The following ZNF284 variants were observed in gnomAD, a reference collection of about 807,000 sequenced individuals.
The protein encoded by ZNF284 is zinc finger protein 284.
A neutral mutation model predicts 12.9 loss-of-function variants in ZNF284; 12 were observed. The ratio of observed to expected loss-of-function variants is 0.93; its 90% CI spans 0.60 to 1.51. ZNF284 has a LOEUF of 1.51. Ranked by LOEUF, ZNF284 falls within the 40% of genes most tolerant of loss-of-function variation. The pLI, the probability that ZNF284 is intolerant of heterozygous loss-of-function variation, is 0.00. For synonymous variants in ZNF284, 225 were observed against 236.5 expected, an observed-to-expected ratio of 0.95 and a Z score of 0.45; for missense variants, 667 against 707.3, an observed-to-expected ratio of 0.94 and a Z score of 0.65.
intron 1 of ZNF284, among the ~76,000 whole-genome samples, chr19:44,074,970 G>A (rs747462413): frequency 4.6e-5 from 7 of 152,002 alleles, no homozygotes; most frequent in Admixed American, 2.0e-4. Flanking sequence ...CCTGCACTCT[G>A]ATCTGGATGA....
intron 1 of ZNF284, among the ~76,000 whole-genome samples, 178 bp from the exon 2 acceptor site, chr19:44,076,144 T>G (rs1358202458): frequency 1.3e-5 from 2 of 152,156 alleles, no homozygotes; most frequent in Non-Finnish European, 2.9e-5. Context: ...TAGGCGACAA[T>G]TTGTCCATTT....
intron 2 of ZNF284, among the ~76,000 whole-genome samples, chr19:44,077,895 T>A (rs1441389057): frequency 6.6e-6 from 1 of 152,134 alleles, no homozygotes; most frequent in Non-Finnish European, 1.5e-5. Context: ...TGACCCCTCC[T>A]CGGGGGTCCT....
intron 1 of ZNF284, 37 bp from the exon 2 acceptor site, chr19:44,076,285 C>A (rs779191986): frequency 4.3e-6 from 5 of 1,159,750 alleles, no homozygotes; most frequent in African/African-American, 1.6e-5. Context: ...CCCTTCATGT[C>A]TCTTTTTTTT....
intron 1 of ZNF284, among the ~76,000 whole-genome samples, chr19:44,075,284 G>A (rs946843431): frequency 1.8e-4 from 28 of 152,270 alleles, no homozygotes; most frequent in Non-Finnish European, 2.2e-4. Context: ...GTTTAATCTA[G>A]AAGGATTCCA....
chr19:44,081,426 A>T (rs776304827), intron 3 of ZNF284, among the ~76,000 whole-genome samples: 10 of 152,120 alleles, frequency 6.6e-5, no homozygotes, highest in Non-Finnish European at 1.3e-4. Context: ...AAACCATCAG[A>T]TAGGGCCGGG....
chr19:44,084,705 C>T (rs1484743977), intron 4 of ZNF284, among the ~76,000 whole-genome samples: 3 of 152,142 alleles, frequency 2.0e-5, no homozygotes, highest in African/African-American at 4.8e-5. Flanking sequence ...ACTGCTGGGT[C>T]TAACAGGCAT....
chr19:44,081,434 G>A (rs1967121933), intron 3 of ZNF284, among the ~76,000 whole-genome samples: 1 of 152,090 alleles, frequency 6.6e-6, no homozygotes, highest in Admixed American at 6.5e-5. Context: ...AGATAGGGCC[G>A]GGCGCGGTGG....
chr19:44,079,894 C>T (rs901163656), intron 2 of ZNF284, among the ~76,000 whole-genome samples: 1 of 152,014 alleles, frequency 6.6e-6, no homozygotes, highest in Non-Finnish European at 1.5e-5. Context: ...CGCCATTGCA[C>T]TCCAGCCTGG....
chr19:44,087,275 T>C lies in ZNF284; in HGVS notation c.*15T>C. 1 of 1,490,978 alleles carries C rather than the reference T, an allele frequency of 6.7e-7. No individual in the cohort carries two copies. Among genetic ancestry groups the C allele is most frequent in the Non-Finnish European group, 9.0e-7 (1 of 1,111,766 alleles). 92.4% of individuals were successfully genotyped at this position (1,490,978 alleles called of 1,614,324 possible). On this transcript the variant is annotated 3_prime_UTR_variant, in exon 5 of 5. Coordinates refer to ENST00000421176, the MANE Select transcript of ZNF284 (RefSeq NM_001037813.4). ...ATGATATATAATTATTGTCCATATT[T>C]ATGGGTTACAGCATATTTCAATACA...
At chr19:44,082,697 T>C (rs1355428453) in intron 4 of ZNF284, among the ~76,000 whole-genome samples, 3 of 152,216 alleles carry the variant, frequency 2.0e-5, no homozygotes, top group Non-Finnish European at 4.4e-5. Flanking sequence ...CTAGGCACTG[T>C]CCACACTCCT....
At chr19:44,085,007 A>G (rs1039748473) in intron 4 of ZNF284, among the ~76,000 whole-genome samples, 3 of 151,902 alleles carry the variant, frequency 2.0e-5, no homozygotes, top group South Asian at 2.1e-4. Flanking sequence ...GGAAATGTAA[A>G]CCACTAGGGC....
chr19:44,076,397 T>C lies in ZNF284; in HGVS notation c.8T>C (p.Met3Thr), dbSNP rs373559407. 1.1e-5 allele frequency: 17 copies of C among 1,609,654 alleles called. No homozygotes were observed. In the African/African-American group the frequency reaches 1.3e-4, roughly 13 times the overall value. MT[M>T]FKEAVTFKDV... is the part of the protein sequence containing the mutation. The stretch of plus-strand genomic sequence containing the variant: ...CCCAAAGAAGGAGGAAAAATGACCA[T>C]GTTCAAGGTGAGTAAGTCTGGTCTC... Residue 3 changes from methionine to threonine, a missense_variant, in exon 2 of 5, where the codon ATG becomes ACG. Coordinates refer to ENST00000421176, the MANE Select transcript of ZNF284 (RefSeq NM_001037813.4).
In ZNF284 at chr19:44,080,975, C is replaced by G. The variant is rs766870412; in HGVS notation, c.16-40C>G. On this transcript the variant is annotated intron_variant, in intron 2 of 4. Coordinates refer to ENST00000421176, the MANE Select transcript of ZNF284 (RefSeq NM_001037813.4). ...ATTGCCACCCTTCTCCCAGGAATCA[C>G]TGGTCATGAGATTGAGATTGCATAC... 1.1e-5 allele frequency: 18 copies of G among 1,592,198 alleles called. No individual in the cohort carries two copies. The East Asian group carries it at 4.1e-4, about 36-fold the overall frequency.
At chr19:44,072,917 A>G (rs1408554516) in intron 1 of ZNF284, among the ~76,000 whole-genome samples, 1 of 152,098 alleles carries the variant, frequency 6.6e-6, no homozygotes, top group Non-Finnish European at 1.5e-5. Flanking sequence ...GCAGGGAGGG[A>G]CTTCTTGGCT....
At chr19:44,080,653 T>C (rs1446445618) in intron 2 of ZNF284, among the ~76,000 whole-genome samples, 1 of 152,202 alleles carries the variant, frequency 6.6e-6, no homozygotes, top group Non-Finnish European at 1.5e-5. Flanking sequence ...CTGGGCATTG[T>C]CAAACAAAGT....
In ZNF284 at chr19:44,086,481, A is replaced by G. The variant is rs373145363; in HGVS notation, c.1003A>G (p.Met335Val). ...GQRSALNSHC[M>V]DHTKEKLYKC... Reference sequence around the variant, plus strand: ...GAGATCAGCACTTAATAGTCATTGCATGGACCACACAAAAGAGAAACTATA... The same window carrying G: ...GAGATCAGCACTTAATAGTCATTGCGTGGACCACACAAAAGAGAAACTATA... The change falls in exon 5 of 5, where the codon ATG (methionine) becomes GTG (valine). Residue 335 changes from methionine to valine, a missense_variant. Met to Val is a conservative substitution (Grantham distance 21, BLOSUM62 1). Coordinates refer to ENST00000421176, the MANE Select transcript of ZNF284 (RefSeq NM_001037813.4). 36 of 1,614,232 alleles carry G rather than the reference A, an allele frequency of 2.2e-5. No individual in the cohort carries two copies. In the African/African-American group the frequency reaches 2.3e-4, roughly 10 times the overall value.
rs371364224 is a variant in ZNF284, at chr19:44,081,099, C to G, written c.100C>G (p.Arg34Gly). Residue 34 changes from arginine (R) to glycine (G), a missense_variant, in exon 3 of 5, where the codon CGA (arginine) becomes GGA (glycine). By Grantham distance (125) the Arg-to-Gly change is moderately radical. Coordinates refer to ENST00000421176, the MANE Select transcript of ZNF284 (RefSeq NM_001037813.4). ...GGACGTTTCCCAGAGGAAGCTGTAT[C>G]GAGATGTCATGCTGGAGAACTTCAG... ...LLDVSQRKLY[R>G]DVMLENFRNL... 16 of 1,612,916 alleles carry G rather than the reference C, an allele frequency of 9.9e-6. No homozygotes were observed. In the African/African-American group the frequency reaches 1.5e-4, roughly 15 times the overall value.
Position 44,087,370 on chromosome 19 carries a change from G to A in ZNF284, c.*110G>A. ...ATCACCTCCTTTATCATTTATTTGT[G>A]GATCATTTATCATTTCTTTGTGCTT... On this transcript the variant is annotated 3_prime_UTR_variant, in exon 5 of 5. Coordinates refer to ENST00000421176, the MANE Select transcript of ZNF284 (RefSeq NM_001037813.4). The A allele has an allele frequency of 1.1e-6, 1 of 870,840 alleles. No homozygotes were observed. The highest frequency in any genetic ancestry group is 1.6e-6 in the Non-Finnish European group (1 of 608,098). The allele number at this position is 870,840 out of a possible 1,614,324, so 53.9% of individuals were successfully genotyped here. A position where few individuals can be genotyped will look rare whatever the true frequency, so the allele number is the denominator to read the frequency against.
intron 4 of ZNF284, chr19:44,085,121 T>C (rs1967209445): frequency 6.6e-6 from 1 of 152,312 alleles, no homozygotes; most frequent in Non-Finnish European, 1.5e-5. Context: ...CTTCGGGTGT[T>C]TCCTGTCACT....
Sources: allele counts gnomAD v4.1 joint callset (sites outside exome capture counted in the v4.1 genomes callset), GRCh38; gene constraint gnomAD v4.1.1; transcripts MANE v1.5; gene names NCBI Gene and HGNC (gene_info 2026-07-23, HGNC 2026-07-21).